NAALADL2: variants seen among roughly 807,000 people sequenced by gnomAD.
The protein encoded by NAALADL2 is inactive N-acetylated-alpha-linked acidic dipeptidase-like protein 2.
A neutral mutation model predicts 87.2 loss-of-function variants in NAALADL2; 76 were observed. The ratio of observed to expected loss-of-function variants is 0.87; its 90% CI spans 0.72 to 1.05. NAALADL2 has a LOEUF of 1.05. NAALADL2 is among the 50% of genes least tolerant of loss of function. The probability of loss-of-function intolerance (pLI) is 0.00; values close to 1 mark genes in which losing one functional copy is unlikely to be tolerated. For synonymous variants in NAALADL2, 354 were observed against 331.0 expected (o/e 1.07, Z -0.75); for missense variants, 1,089 against 945.8 (o/e 1.15, Z -1.99).
chr3:175,407,955 T>A (rs1163640205), intron 5 of NAALADL2, among the ~76,000 whole-genome samples: 2 of 152,196 alleles, frequency 1.3e-5, no homozygotes, highest in African/African-American at 4.8e-5. Flanking sequence ...GGTCTGCCAA[T>A]AGTTTTAATT....
intron 2 of NAALADL2, among the ~76,000 whole-genome samples, chr3:174,690,238 TAAAGTA>T (rs886930998): frequency 1.3e-5 from 2 of 152,132 alleles, no homozygotes; most frequent in Admixed American, 1.3e-4. Context: ...TTTTTGTGAT[TAAAGTA>T]AGACGATCAT....
At chr3:175,596,401 T>C (rs1722248134) in intron 10 of NAALADL2, among the ~76,000 whole-genome samples, 1 of 151,972 alleles carries the variant, frequency 6.6e-6, no homozygotes, top group Non-Finnish European at 1.5e-5. Flanking sequence ...TTTTATGTTA[T>C]TTGCAACCAT....
At chr3:174,476,927 C>T (rs187145603) in intron 1 of NAALADL2, among the ~76,000 whole-genome samples, 5 of 151,908 alleles carry the variant, frequency 3.3e-5, no homozygotes, top group Admixed American at 2.0e-4. Context: ...AAGGGAAGTG[C>T]GAAAGATTCA....
chr3:175,729,428 T>C (rs976838315), intron 11 of NAALADL2, among the ~76,000 whole-genome samples: 3 of 152,210 alleles, frequency 2.0e-5, no homozygotes, highest in African/African-American at 4.8e-5. Flanking sequence ...GGATGAACTG[T>C]AACCTAACTA....
At chr3:175,626,621 C>T (rs1727016315) in intron 10 of NAALADL2, among the ~76,000 whole-genome samples, 1 of 151,788 alleles carries the variant, frequency 6.6e-6, no homozygotes, top group Non-Finnish European at 1.5e-5. Flanking sequence ...ATTGTATTTC[C>T]TTGCTTTCTT....
chr3:175,795,697 T>G (rs953635624), intron 13 of NAALADL2, among the ~76,000 whole-genome samples: 1 of 148,762 alleles, frequency 6.7e-6, no homozygotes, highest in South Asian at 2.1e-4. Context: ...AATAAAAAAA[T>G]AAAATAAAAT....
intron 2 of NAALADL2, among the ~76,000 whole-genome samples, chr3:174,603,684 GT>G (rs1718682635): frequency 6.6e-6 from 1 of 151,496 alleles, no homozygotes; most frequent in Admixed American, 6.6e-5. Flanking sequence ...TTTATTTGAA[GT>G]TTTTTTCTTA....
intron 13 of NAALADL2, among the ~76,000 whole-genome samples, chr3:175,794,946 G>A (rs73881379): frequency 0.037 from 5,578 of 152,214 alleles, 254 homozygotes; most frequent in African/African-American, 0.11. Flanking sequence ...GTTCTGGAGC[G>A]GGTACTCTGG....
chr3:175,433,648 TTA>T (rs1261718587), intron 5 of NAALADL2, among the ~76,000 whole-genome samples: 1 of 152,046 alleles, frequency 6.6e-6, no homozygotes, highest in Non-Finnish European at 1.5e-5. Context: ...AAATATTACC[TTA>T]TAAGAAAGTA....
At chr3:174,731,617 T>G (rs1732712281) in intron 2 of NAALADL2, among the ~76,000 whole-genome samples, 1 of 152,114 alleles carries the variant, frequency 6.6e-6, no homozygotes, top group Admixed American at 6.6e-5. Flanking sequence ...TTCTCAAATT[T>G]TAGTGTGAAT....
chr3:175,079,944 T>C (rs975054241), intron 1 of NAALADL2, among the ~76,000 whole-genome samples: 2 of 152,032 alleles, frequency 1.3e-5, no homozygotes, highest in African/African-American at 4.8e-5. Flanking sequence ...CTAAGGGTGG[T>C]ATTTCACATA....
chr3:175,196,924 C>A (rs770010584), intron 2 of NAALADL2, among the ~76,000 whole-genome samples: 1 of 151,832 alleles, frequency 6.6e-6, no homozygotes, highest in Non-Finnish European at 1.5e-5. Context: ...GCAATTTTGG[C>A]ATCACTAGTT....
chr3:174,612,938 G>A (rs1720075559), intron 2 of NAALADL2, among the ~76,000 whole-genome samples: 1 of 152,114 alleles, frequency 6.6e-6, no homozygotes, highest in African/African-American at 2.4e-5. Context: ...TCCTTCTTGG[G>A]AGAGCTTTCC....
At chr3:174,807,576 A>G (rs981738959) in intron 3 of NAALADL2, among the ~76,000 whole-genome samples, 4 of 152,146 alleles carry the variant, frequency 2.6e-5, no homozygotes, top group East Asian at 1.9e-4. Flanking sequence ...CACGTCTTCC[A>G]TGAATTTGTA....
chr3:175,790,860 A>T (rs1264058324), intron 13 of NAALADL2, among the ~76,000 whole-genome samples: 2 of 152,248 alleles, frequency 1.3e-5, no homozygotes, highest in African/African-American at 4.8e-5. Flanking sequence ...TGCTAATTAA[A>T]TCATGTAATT....
At chr3:175,664,230 C>G (rs1732658606) in intron 11 of NAALADL2, among the ~76,000 whole-genome samples, 1 of 152,062 alleles carries the variant, frequency 6.6e-6, no homozygotes, top group South Asian at 2.1e-4. Flanking sequence ...AGGTATAGAA[C>G]TACCCTTTTA....
rs547638423 is a variant in NAALADL2, at chr3:174,633,314, C to T, written c.-115+82677C>T. ...CAAAACTATTCTTTAAAAATGGATA[C>T]AGAAACTGATAAAGCCTTTATGTTT... On this transcript the variant is annotated intron_variant, in intron 2 of 3. Transcript: ENST00000434257. Among the ~76,000 whole-genome samples the T allele has an allele frequency of 5.3e-5, 8 of 152,174 alleles. No homozygotes were observed. In the South Asian group the frequency reaches 1.5e-3, roughly 28 times the overall value.
chr3:174,848,696 T>C (rs1371180725), intron 3 of NAALADL2, among the ~76,000 whole-genome samples: 1 of 152,230 alleles, frequency 6.6e-6, no homozygotes, highest in African/African-American at 2.4e-5. Context: ...TTTGTTTTTG[T>C]AATGTGTGTT....
At chr3:174,996,175 T>C (rs984711640) in intron 1 of NAALADL2, among the ~76,000 whole-genome samples, 2 of 152,202 alleles carry the variant, frequency 1.3e-5, no homozygotes, top group African/African-American at 4.8e-5. Context: ...CTAGTTCTAT[T>C]TACCTATAGT....
Sources: gnomAD v4.1 joint callset for allele counts (sites outside exome capture counted in the v4.1 genomes callset) on GRCh38, gnomAD v4.1.1 for gene constraint, MANE v1.5 for transcripts, NCBI Gene and HGNC (gene_info 2026-07-23, HGNC 2026-07-21) for gene names.